RORB: variants seen among roughly 807,000 people sequenced by gnomAD.
RORB encodes the protein RAR related orphan receptor B, also known as nuclear receptor ROR-beta.
RORB carries 6 observed loss-of-function variants against 59.1 expected under a neutral mutation model. The observed-to-expected ratio is 0.10, with a 90% confidence interval of 0.06 to 0.20. The LOEUF (loss-of-function observed/expected upper bound fraction) is 0.20. Among genes scored for constraint, RORB ranks in the 10% least tolerant of loss-of-function variants. RORB has a pLI of 1.00. For missense variants in RORB, 320 were observed against 560.5 expected (o/e 0.57, Z 4.33); for synonymous variants, 215 against 204.5 (o/e 1.05, Z -0.44).
intron 1 of RORB, among the ~76,000 whole-genome samples, chr9:74,585,928 G>A (rs1180458680): frequency 6.6e-6 from 1 of 151,854 alleles, no homozygotes; most frequent in Non-Finnish European, 1.5e-5. Context: ...CCGAGTAGCT[G>A]GGACTACAGG....
chr9:74,530,940 T>G (rs1482478541), intron 1 of RORB, among the ~76,000 whole-genome samples: 1 of 151,932 alleles, frequency 6.6e-6, no homozygotes, highest in Admixed American at 6.6e-5. Flanking sequence ...GTTCTTAATT[T>G]TTTTTCCTTT....
intron 1 of RORB, among the ~76,000 whole-genome samples, chr9:74,555,515 A>G (rs548559807): frequency 1.1e-4 from 16 of 152,336 alleles, no homozygotes; most frequent in Admixed American, 6.5e-4. Flanking sequence ...GCTCAAACAA[A>G]TCTATACATA....
intron 7 of RORB, among the ~76,000 whole-genome samples, chr9:74,667,182 G>T (rs900898116): frequency 6.6e-6 from 1 of 152,072 alleles, no homozygotes; most frequent in Admixed American, 6.5e-5. Flanking sequence ...GCCAAAATAC[G>T]CAACAGCTAA....
chr9:74,627,745 T>G (rs1823543825), intron 1 of RORB, among the ~76,000 whole-genome samples: 1 of 152,122 alleles, frequency 6.6e-6, no homozygotes, highest in African/African-American at 2.4e-5. Flanking sequence ...ACTGAGATTT[T>G]TAGTCAATTT....
chr9:74,566,559 AGCC>A (rs1456552225), intron 1 of RORB, among the ~76,000 whole-genome samples: 6 of 152,112 alleles, frequency 3.9e-5, no homozygotes, highest in Non-Finnish European at 7.4e-5. Context: ...GACTTTGGGA[AGCC>A]GAGGTGGGTG....
chr9:74,523,073 T>C (rs558954076), intron 1 of RORB, among the ~76,000 whole-genome samples: 3 of 152,002 alleles, frequency 2.0e-5, no homozygotes, highest in South Asian at 2.1e-4. Context: ...AAATTCCTCC[T>C]CTTTTAATTT....
intron 1 of RORB, among the ~76,000 whole-genome samples, chr9:74,561,389 A>G (rs1209305375): frequency 6.6e-6 from 1 of 152,154 alleles, no homozygotes; most frequent in African/African-American, 2.4e-5. Flanking sequence ...ACATAAGCCT[A>G]TACAATCATG....
chr9:74,636,103 T>A (rs1416263008), intron 3 of RORB, among the ~76,000 whole-genome samples: 1 of 152,096 alleles, frequency 6.6e-6, no homozygotes, highest in Non-Finnish European at 1.5e-5. Context: ...ACCAGATATA[T>A]TTACTCCTAA....
chr9:74,630,257 C>A, intron 1 of RORB, 25 bp from the exon 2 acceptor site: 1 of 1,609,100 alleles, frequency 6.2e-7, no homozygotes, highest in Non-Finnish European at 8.5e-7. Flanking sequence ...TCTGTATGCT[C>A]AAAATGTCTG....
chr9:74,544,475 A>C (rs1826458722), intron 1 of RORB, among the ~76,000 whole-genome samples: 1 of 152,158 alleles, frequency 6.6e-6, no homozygotes, highest in South Asian at 2.1e-4. Flanking sequence ...TTAATAAATA[A>C]ATGTGCTCTG....
intron 1 of RORB, among the ~76,000 whole-genome samples, chr9:74,514,439 T>G (rs1825981492): frequency 6.6e-6 from 1 of 152,004 alleles, no homozygotes. Flanking sequence ...ATCATGGCAA[T>G]GTTCCAATAA....
chr9:74,537,567 C>A (rs1162763263), intron 1 of RORB, among the ~76,000 whole-genome samples: 1 of 151,930 alleles, frequency 6.6e-6, no homozygotes, highest in Non-Finnish European at 1.5e-5. Context: ...CATTCTGCTT[C>A]AAAAATAAGC....
At chr9:74,506,990 C>G (rs1045591662) in intron 1 of RORB, among the ~76,000 whole-genome samples, 2 of 151,954 alleles carry the variant, frequency 1.3e-5, no homozygotes, top group East Asian at 1.9e-4. Context: ...AAGATGAAGG[C>G]TTGGAAGTCT....
intron 1 of RORB, among the ~76,000 whole-genome samples, chr9:74,572,783 C>T (rs1822572591): frequency 1.3e-5 from 2 of 152,186 alleles, no homozygotes; most frequent in South Asian, 4.1e-4. Context: ...TATGTTTCCT[C>T]ATCCAGGTGT....
intron 9 of RORB, 24 bp from the exon 10 acceptor site, chr9:74,685,439 C>G (rs747883850): frequency 1.3e-6 from 2 of 1,581,776 alleles, no homozygotes; most frequent in South Asian, 2.3e-5. Context: ...TCTCTATCTC[C>G]CTCTCTGTCT....
rs1372868983 is a variant in RORB at position 74,549,627 on chromosome 9, AG to A, written c.7+51645del. ...AAGGAAGAAAGGAAGGAAGGAAGGA[AG>A]AAAGGAAAGAAAGAAAGAAAGAGAG... is the stretch of plus-strand genomic sequence containing the variant. On this transcript the variant is annotated intron_variant, in intron 1 of 9. Transcript: ENST00000376896. Among the ~76,000 whole-genome samples, 101 of 112,564 alleles carry A rather than the reference AG, an allele frequency of 9.0e-4. 1 individual carries two copies. The highest frequency in any genetic ancestry group is 3.2e-3 in the African/African-American group (98 of 30,656). The allele number at this position is 112,564 out of a possible 152,430, so 73.8% of individuals were successfully genotyped here.
intron 1 of RORB, among the ~76,000 whole-genome samples, chr9:74,540,155 A>C (rs1297290009): frequency 6.6e-6 from 1 of 152,034 alleles, no homozygotes; most frequent in Non-Finnish European, 1.5e-5. Context: ...TTTTTAAAAA[A>C]TATATTTTGT....
chr9:74,682,728 A>G (rs1186696842), intron 9 of RORB, among the ~76,000 whole-genome samples: 1 of 152,150 alleles, frequency 6.6e-6, no homozygotes, highest in Non-Finnish European at 1.5e-5. Flanking sequence ...AGTTCAGAGG[A>G]CTGTTTCAAA....
chr9:74,650,899 T>A (rs1823979404), intron 4 of RORB, among the ~76,000 whole-genome samples: 1 of 152,212 alleles, frequency 6.6e-6, no homozygotes, highest in Non-Finnish European at 1.5e-5. Context: ...ATGCATTGAC[T>A]AAACATCCAA....
Sources: gnomAD v4.1 joint callset for allele counts (sites outside exome capture counted in the v4.1 genomes callset) on GRCh38, gnomAD v4.1.1 for gene constraint, MANE v1.5 for transcripts, NCBI Gene and HGNC (gene_info 2026-07-23, HGNC 2026-07-21) for gene names.